TBC1D20: variants seen among roughly 807,000 people sequenced by gnomAD.
TBC1D20 encodes the protein chromosome 20 open reading frame 140.
Under a neutral mutation model 41.6 loss-of-function variants are expected in TBC1D20, and 12 were observed. That is an observed-to-expected ratio of 0.29 (90% confidence interval 0.18 to 0.47). TBC1D20 has a LOEUF of 0.47. Among genes scored for constraint, TBC1D20 ranks in the 20% least tolerant of loss-of-function variants. The pLI, the probability that TBC1D20 is intolerant of heterozygous loss-of-function variation, is 1.00. For missense variants in TBC1D20, 421 were observed against 517.4 expected, an observed-to-expected ratio of 0.81 and a Z score of 1.81; for synonymous variants, 205 against 204.8, an observed-to-expected ratio of 1.00 and a Z score of -0.01.
chr20:462,277 C>T, intron 1 of TBC1D20, 59 bp downstream of exon 1: 1 of 1,177,834 alleles, frequency 8.5e-7, no homozygotes, highest in Non-Finnish European at 1.1e-6. Flanking sequence ...CCGCCAGCTG[C>T]CCCTGCCCCC....
Position 439,300 on chromosome 20 carries a change from G to A in TBC1D20, c.769-5C>T. 1 of 1,600,434 alleles carries A rather than the reference G, an allele frequency of 6.2e-7. No homozygotes were observed. Among genetic ancestry groups the A allele is most frequent in the Middle Eastern group, 1.7e-4 (1 of 6,002 alleles). On this transcript the variant is annotated splice_polypyrimidine_tract_variant and splice_region_variant and intron_variant, in intron 6 of 7. Coordinates refer to ENST00000354200, the MANE Select transcript of TBC1D20 (RefSeq NM_144628.4). This position sits in a 1 kb window ranked among gnomAD's most constrained non-coding sequence, Gnocchi z 4.6. ...CTGCTCGCGATACAACACAATCTGT[G>A]GGGAGGTAGTAAAGCCTTGCAGTCA...
rs756036966 is a variant in TBC1D20 at position 439,148 on chromosome 20, C to T, written c.916G>A (p.Glu306Lys). 2.5e-6 allele frequency: 4 copies of T among 1,613,968 alleles called. No homozygotes were observed. The highest frequency in any genetic ancestry group is 3.4e-6 in the Non-Finnish European group (4 of 1,179,938). ...GDLFVQFPPSELAREAAAQQQ... is the reference protein window; with the variant it reads ...GDLFVQFPPSKLAREAAAQQQ... ...TGGGCAGCGGCCTCCCGAGCAAGTT[C>T]GGATGGGGGAAACTGAACAAAAAGG... Residue 306 changes from glutamate (E) to lysine (K), a missense_variant, in exon 7 of 8, where the codon GAA becomes AAA. Physicochemically the swap from Glu to Lys is moderately conservative, Grantham distance 56. Transcript: ENST00000354200. This position sits in a 1 kb window ranked among gnomAD's most constrained non-coding sequence, Gnocchi z 4.6.
rs1209865566 is a variant in TBC1D20 at position 441,990 on chromosome 20, G to T, written c.391C>A (p.Leu131Ile). The T allele has an allele frequency of 1.2e-6, 2 of 1,613,956 alleles. No homozygotes were observed. The highest frequency in any genetic ancestry group is 1.7e-6 in the Non-Finnish European group (2 of 1,180,010). The change falls in exon 4 of 8, where the codon CTC becomes ATC. Residue 131 changes from leucine to isoleucine, a missense_variant. Around this residue, in one of 3 missense-constraint regions of TBC1D20, gnomAD observed 110 missense variants for 183.5 expected, o/e 0.60. Coordinates refer to ENST00000354200, the MANE Select transcript of TBC1D20 (RefSeq NM_144628.4). ...TGAGGGTTGCGCTCCAAGATGAGGA[G>T]GATGATGTCAATCAGTTCTTCCTGG... ...GLQEELIDII[L>I]LILERNPQLH... is the part of the protein sequence containing the mutation.
intron 5 of TBC1D20, chr20:441,383 G>A (rs969770257): frequency 3.5e-6 from 2 of 571,082 alleles, no homozygotes; most frequent in Non-Finnish European, 6.3e-6. Flanking sequence ...CAAGGGATGG[G>A]CTATGTCCCC....
chr20:441,665 G>T lies in TBC1D20; in HGVS notation c.549C>A (p.Asp183Glu). Residue 183 changes from aspartate (D) to glutamate (E), a missense_variant, in exon 5 of 8, where the codon GAC becomes GAA. Around this residue, in one of 3 missense-constraint regions of TBC1D20, gnomAD observed 110 missense variants for 183.5 expected, o/e 0.60. Transcript: ENST00000354200. ...GATAGTTTAATATATGCTTGGTGTTGTCCATTGTTGGATCCATAAAATCCC... is the reference window on the plus strand; with the variant it reads ...GATAGTTTAATATATGCTTGGTGTTTTCCATTGTTGGATCCATAAAATCCC... Reference protein sequence around the residue: ...HLRDFMDPTMDNTKHILNYLM... With the variant: ...HLRDFMDPTMENTKHILNYLM... 6.2e-7 allele frequency: 1 copy of T among 1,614,126 alleles called. No individual in the cohort carries two copies. The highest frequency in any genetic ancestry group is 8.5e-7 in the Non-Finnish European group (1 of 1,180,018).
chr20:452,030 C>T (rs747368438), intron 1 of TBC1D20, among the ~76,000 whole-genome samples: 3 of 152,244 alleles, frequency 2.0e-5, no homozygotes, highest in Non-Finnish European at 4.4e-5. Context: ...AGCAAAAGGC[C>T]GGGCACAGTG....
rs2017150706 is a variant in TBC1D20, at chr20:437,974, A to G, written c.*612T>C. ...ATGAGCTTCCTTCCCACTTGACTGG[A>G]AACGCCCATGTGATTTCTAGGCTGA... On this transcript the variant is annotated 3_prime_UTR_variant, in exon 8 of 8. Coordinates refer to ENST00000354200, the MANE Select transcript of TBC1D20 (RefSeq NM_144628.4). 1 of 153,180 alleles carries G rather than the reference A, an allele frequency of 6.5e-6. No individual in the cohort carries two copies. Among genetic ancestry groups the G allele is most frequent in the African/African-American group, 2.4e-5 (1 of 41,454 alleles). 9.5% of individuals were successfully genotyped at this position (153,180 alleles called of 1,614,324 possible).
chr20:440,048 T>A (rs1421182783), intron 6 of TBC1D20, among the ~76,000 whole-genome samples, 200 bp downstream of exon 6: 1 of 152,250 alleles, frequency 6.6e-6, no homozygotes, highest in African/African-American at 2.4e-5. Flanking sequence ...TGATTTTGTT[T>A]ATACCCAGCA....
At chr20:442,533 A>G (rs2017256046) in intron 3 of TBC1D20, among the ~76,000 whole-genome samples, 1 of 152,266 alleles carries the variant, frequency 6.6e-6, no homozygotes, top group Admixed American at 6.5e-5. Flanking sequence ...TGAGAAACGC[A>G]TAAATCTATA....
At chr20:454,482 A>G (rs2017507958) in intron 1 of TBC1D20, among the ~76,000 whole-genome samples, 1 of 152,062 alleles carries the variant, frequency 6.6e-6, no homozygotes, top group Admixed American at 6.6e-5. Context: ...GGTGCAAGGC[A>G]CCAGAGTTCA....
At chr20:461,381 T>C (rs1255751422) in intron 1 of TBC1D20, among the ~76,000 whole-genome samples, 1 of 152,246 alleles carries the variant, frequency 6.6e-6, no homozygotes, top group Non-Finnish European at 1.5e-5. Context: ...ATTATTATTA[T>C]TGAGATAGGG....
At chr20:450,101 G>C (rs1473171351) in intron 1 of TBC1D20, among the ~76,000 whole-genome samples, 1 of 151,720 alleles carries the variant, frequency 6.6e-6, no homozygotes, top group Non-Finnish European at 1.5e-5. Context: ...ACATGAAAAG[G>C]TCTCCTGTTA....
intron 1 of TBC1D20, among the ~76,000 whole-genome samples, chr20:461,361 T>G (rs2017626153): frequency 6.6e-6 from 1 of 152,178 alleles, no homozygotes; most frequent in Non-Finnish European, 1.5e-5. Context: ...TTTTATACAA[T>G]TATTTACTTA....
In TBC1D20 at chr20:439,350, C is replaced by T; in HGVS notation, c.769-55G>A. On this transcript the variant is annotated intron_variant, in intron 6 of 7. Transcript: ENST00000354200. This position sits in a 1 kb window ranked among gnomAD's most constrained non-coding sequence, Gnocchi z 4.6. ...AGAGGCCAGACACACAGGGCCTGGG[C>T]CACCTGCACTCCATTATCCTTGCAG... 3.7e-6 allele frequency: 5 copies of T among 1,344,238 alleles called. No individual in the cohort carries two copies. Among genetic ancestry groups the T allele is most frequent in the Non-Finnish European group, 1.0e-6 (1 of 966,782 alleles). The allele number at this position is 1,344,238 out of a possible 1,614,324, so 83.3% of individuals were successfully genotyped here. A position where few individuals can be genotyped will look rare whatever the true frequency, so the allele number is the denominator to read the frequency against.
At position 438,839 on chromosome 20, in the gene TBC1D20, G is replaced by A. The variant is rs150555924; in HGVS notation, c.959C>T (p.Thr320Met). The A allele has an allele frequency of 9.0e-5, 145 of 1,612,330 alleles. No individual in the cohort carries two copies. In the African/African-American group the frequency reaches 1.4e-3, roughly 16 times the overall value. Residue 320 changes from threonine (T) to methionine (M), a missense_variant and splice_region_variant, in exon 8 of 8, where the codon ACG becomes ATG. This residue lies in a region of TBC1D20 where 161 missense variants were observed against 182.7 expected (regional missense o/e 0.88). Transcript: ENST00000354200. ...AAAGTCTTTGAAAGTAGAGGCTGCCGTCCTGCAGGGGAAAGAGACGGAAGG... is the reference window on the plus strand; with the variant it reads ...AAAGTCTTTGAAAGTAGAGGCTGCCATCCTGCAGGGGAAAGAGACGGAAGG... ...EAAAQQQAER[T>M]AASTFKDFEL...
rs2017158995 is a variant in TBC1D20 at position 438,446 on chromosome 20, C to T, written c.*140G>A. 1.9e-6 allele frequency: 2 copies of T among 1,035,802 alleles called. No individual in the cohort carries two copies. Among genetic ancestry groups the T allele is most frequent in the Admixed American group, 2.4e-5 (1 of 41,140 alleles). The allele number at this position is 1,035,802 out of a possible 1,614,324, so 64.2% of individuals were successfully genotyped here. ...TACTGGCCTCTGAAGTAAAGGCAAA[C>T]ACAAACGGGCAGGGCAGGGTGGCAG... On this transcript the variant is annotated 3_prime_UTR_variant, in exon 8 of 8. Transcript: ENST00000354200.
Position 438,640 on chromosome 20 carries a change from C to T in TBC1D20, c.1158G>A (p.Val386=), listed in dbSNP as rs146447048. Reference sequence around the variant, plus strand: ...GGGCCCATTCCAGGGCACTTTTCACCACAGCCAGTGCAGCCGCTCCAAGTG... The same window carrying T: ...GGGCCCATTCCAGGGCACTTTTCACTACAGCCAGTGCAGCCGCTCCAAGTG... ...TVALGAAALA[V]VKSALEWAPK... The change falls in exon 8 of 8, where the codon GTG becomes GTA. Residue 386 remains valine (V), a synonymous_variant. Transcript: ENST00000354200. 9.5e-5 allele frequency: 154 copies of T among 1,614,098 alleles called. 1 individual carries two copies. The highest frequency in any genetic ancestry group is 1.7e-5 in the Admixed American group (1 of 60,004).
Position 447,982 on chromosome 20 carries a change from T to C in TBC1D20, c.163A>G (p.Ile55Val), listed in dbSNP as rs148632897. 6.8e-6 allele frequency: 11 copies of C among 1,614,210 alleles called. No homozygotes were observed. Among genetic ancestry groups the C allele is most frequent in the African/African-American group, 1.3e-5 (1 of 75,062 alleles). The stretch of plus-strand genomic sequence containing the variant: ...TCAGTCAGGAGCCCTCCTTCACTGA[T>C]AGCCATGCGTCTAAGGGCAGCCACA... ...TDVAALRRMA[I>V]SEGGLLTDEI... Residue 55 changes from isoleucine (I) to valine (V), a missense_variant, in exon 2 of 8, where the codon ATC becomes GTC. This residue lies in a region of TBC1D20 where 150 missense variants were observed against 151.3 expected (regional missense o/e 0.99). Coordinates refer to ENST00000354200, the MANE Select transcript of TBC1D20 (RefSeq NM_144628.4).
intron 1 of TBC1D20, among the ~76,000 whole-genome samples, chr20:457,322 G>A (rs1318540911): frequency 6.6e-6 from 1 of 152,104 alleles, no homozygotes; most frequent in Non-Finnish European, 1.5e-5. Flanking sequence ...ATAGCTCACT[G>A]CAGCCTCAAC....
Sources: allele counts gnomAD v4.1 joint callset (sites outside exome capture counted in the v4.1 genomes callset), GRCh38; gene constraint gnomAD v4.1.1; regional missense constraint gnomAD v4.1.1; non-coding constraint Gnocchi (gnomAD v3.1); transcripts MANE v1.5; gene names NCBI Gene and HGNC (gene_info 2026-07-23, HGNC 2026-07-21).